Variants in GRM8 observed in about 807,000 individuals in gnomAD.
GRM8 encodes the protein metabotropic glutamate receptor 8.
A neutral mutation model predicts 87.2 loss-of-function variants in GRM8; 47 were observed. The observed-to-expected ratio is 0.54, with a 90% CI of 0.43 to 0.69. The LOEUF (loss-of-function observed/expected upper bound fraction) is 0.69. Ranked by LOEUF, GRM8 falls within the 30% of genes least tolerant of loss-of-function variation. GRM8 has a pLI of 0.00. For missense variants in GRM8, 1,019 were observed against 1,139.2 expected (o/e 0.89, Z 1.52); for synonymous variants, 396 against 404.5 (o/e 0.98, Z 0.25).
intron 2 of GRM8, among the ~76,000 whole-genome samples, chr7:127,165,549 A>G (rs1296814249): frequency 6.6e-6 from 1 of 151,904 alleles, no homozygotes; most frequent in Non-Finnish European, 1.5e-5. Context: ...TATCTTCCTC[A>G]TGTTGTCTTC....
intron 3 of GRM8, among the ~76,000 whole-genome samples, chr7:127,043,157 A>G (rs903000653): frequency 1.6e-4 from 24 of 152,192 alleles, no homozygotes; most frequent in Non-Finnish European, 2.6e-4. Context: ...ACACTTTTAC[A>G]CTGTTGGTGG....
Position 126,987,742 on chromosome 7 carries a change from C to T in GRM8, c.728-83059G>A, listed in dbSNP as rs765817168. Reference sequence around the variant, plus strand: ...CCTCCCAAAGTGCTGGGATTACAGGCGTGAGCCACGGCGCCCGGCCTTCTT... The same window carrying T: ...CCTCCCAAAGTGCTGGGATTACAGGTGTGAGCCACGGCGCCCGGCCTTCTT... On this transcript the variant is annotated intron_variant, in intron 3 of 10. Transcript: ENST00000339582. Among the ~76,000 whole-genome samples the T allele has an allele frequency of 1.2e-3, 177 of 152,274 alleles. 1 individual carries two copies. The highest frequency in any genetic ancestry group is 3.4e-3 in the Middle Eastern group (1 of 294).
chr7:126,452,199 T>C (rs2150487411), intron 9 of GRM8, among the ~76,000 whole-genome samples: 1 of 145,772 alleles, frequency 6.9e-6, no homozygotes, highest in East Asian at 2.1e-4. Flanking sequence ...AAACCAAACA[T>C]GGTATGTTCT....
At chr7:126,491,620 T>A (rs991669921) in intron 9 of GRM8, among the ~76,000 whole-genome samples, 1 of 152,074 alleles carries the variant, frequency 6.6e-6, no homozygotes, top group Non-Finnish European at 1.5e-5. Context: ...ACAAAGACCA[T>A]GTGAATTCTC....
chr7:127,008,567 T>G (rs952516225), intron 3 of GRM8, among the ~76,000 whole-genome samples: 5 of 152,162 alleles, frequency 3.3e-5, no homozygotes, highest in African/African-American at 1.2e-4. Flanking sequence ...TGAAATTTAA[T>G]CTCAGTGTTT....
At chr7:126,830,576 G>T (rs571089510) in intron 6 of GRM8, among the ~76,000 whole-genome samples, 1 of 152,116 alleles carries the variant, frequency 6.6e-6, no homozygotes, top group South Asian at 2.1e-4. Context: ...GCACTTCTCT[G>T]TATTGGTTAT....
chr7:126,822,172 T>C lies in GRM8; in HGVS notation c.1157-52107A>G, dbSNP rs79559157. ...GAATTATATCCTCTCACTGACTCCA[T>C]TTCATTTCCTCTTGCTTCTCAATCT... On this transcript the variant is annotated intron_variant, in intron 6 of 10. Transcript: ENST00000339582. Among the ~76,000 whole-genome samples, 345 of 152,312 alleles carry C rather than the reference T, an allele frequency of 2.3e-3. 1 individual carries two copies. The highest frequency in any genetic ancestry group is 7.8e-3 in the African/African-American group (324 of 41,576).
chr7:126,582,658 T>C (rs1438854717), intron 8 of GRM8, among the ~76,000 whole-genome samples: 1 of 152,174 alleles, frequency 6.6e-6, no homozygotes, highest in Non-Finnish European at 1.5e-5. Context: ...ACTCTCTTAT[T>C]AGGGCCTAAT....
chr7:127,002,210 T>C (rs926946473), intron 3 of GRM8, among the ~76,000 whole-genome samples: 2 of 151,650 alleles, frequency 1.3e-5, no homozygotes, highest in East Asian at 3.9e-4. Flanking sequence ...AAGAAGATTT[T>C]AAGAGTAGAA....
intron 2 of GRM8, among the ~76,000 whole-genome samples, chr7:127,108,995 G>A (rs966488037): frequency 5.3e-5 from 8 of 151,944 alleles, no homozygotes; most frequent in Non-Finnish European, 5.9e-5. Context: ...TTATTTTATT[G>A]TGGTAGACCC....
intron 9 of GRM8, among the ~76,000 whole-genome samples, chr7:126,499,918 C>CCA (rs1554365788): frequency 1.3e-5 from 2 of 151,566 alleles, no homozygotes; most frequent in South Asian, 2.1e-4. Flanking sequence ...TATACAATTA[C>CCA]TTTGTTAATT....
chr7:126,647,561 T>TA (rs1231584791), intron 7 of GRM8, among the ~76,000 whole-genome samples: 2 of 151,982 alleles, frequency 1.3e-5, no homozygotes, highest in East Asian at 3.9e-4. Flanking sequence ...CATCACAAAT[T>TA]AAAAAATGCA....
At chr7:126,585,902 T>C (rs576519911) in intron 8 of GRM8, among the ~76,000 whole-genome samples, 4 of 152,216 alleles carry the variant, frequency 2.6e-5, no homozygotes, top group African/African-American at 9.6e-5. Context: ...TCCCTGTTTG[T>C]AGATGACATG....
At chr7:126,529,945 T>A (rs1406228838) in intron 9 of GRM8, among the ~76,000 whole-genome samples, 1 of 152,188 alleles carries the variant, frequency 6.6e-6, no homozygotes, top group African/African-American at 2.4e-5. Context: ...TTTAGTTGAA[T>A]TCAGCAGTAG....
At chr7:126,983,069 T>A (rs1287347301) in intron 3 of GRM8, among the ~76,000 whole-genome samples, 4 of 152,150 alleles carry the variant, frequency 2.6e-5, no homozygotes, top group Non-Finnish European at 5.9e-5. Flanking sequence ...GTAACCCCCT[T>A]CTTAGCCTGT....
chr7:127,070,334 C>A (rs1380561533), intron 3 of GRM8, among the ~76,000 whole-genome samples: 1 of 152,080 alleles, frequency 6.6e-6, no homozygotes, highest in African/African-American at 2.4e-5. Context: ...TAAGAAAAAT[C>A]ATGATTTCCA....
chr7:126,496,572 G>A (rs1808771744), intron 9 of GRM8, among the ~76,000 whole-genome samples: 1 of 151,664 alleles, frequency 6.6e-6, no homozygotes, highest in Admixed American at 6.6e-5. Context: ...TTCTGAACGA[G>A]GAAATGTTCA....
intron 2 of GRM8, among the ~76,000 whole-genome samples, chr7:127,197,419 T>C (rs2116528461): frequency 6.6e-6 from 1 of 152,322 alleles, no homozygotes; most frequent in Admixed American, 6.5e-5. Context: ...GCTAAGTTAC[T>C]ATCTCTATGC....
At chr7:127,239,407 T>C (rs1230535735) in intron 2 of GRM8, among the ~76,000 whole-genome samples, 1 of 152,182 alleles carries the variant, frequency 6.6e-6, no homozygotes, top group East Asian at 1.9e-4. Context: ...CTCTACCTTC[T>C]TTAACTCCAT....
Sources: gnomAD v4.1 joint callset for allele counts (sites outside exome capture counted in the v4.1 genomes callset) on GRCh38, gnomAD v4.1.1 for gene constraint, MANE v1.5 for transcripts, NCBI Gene and HGNC (gene_info 2026-07-23, HGNC 2026-07-21) for gene names.